The following COMMD10 variants were observed in gnomAD, a reference collection of about 807,000 sequenced individuals.
COMMD10 encodes COMM domain-containing protein 10.
COMMD10 carries 33 observed loss-of-function variants against 28.9 expected under a neutral mutation model. The observed-to-expected ratio is 1.14, with a 90% confidence interval of 0.87 to 1.53. The LOEUF (loss-of-function observed/expected upper bound fraction) is 1.53. Ranked by LOEUF, COMMD10 falls within the 40% of genes most tolerant of loss-of-function variation. The pLI is 0.00. For synonymous variants in COMMD10, 110 were observed against 81.7 expected, an observed-to-expected ratio of 1.35 and a Z score of -1.87; for missense variants, 310 against 233.4, an observed-to-expected ratio of 1.33 and a Z score of -2.14.
intron 5 of COMMD10, among the ~76,000 whole-genome samples, chr5:116,251,299 TTTA>T (rs1453983409): frequency 1.5e-5 from 2 of 131,898 alleles, no homozygotes. Context: ...TATTTATTTA[TTTA>T]TTATTATACT....
At chr5:116,255,027 G>A (rs1417247002) in intron 5 of COMMD10, among the ~76,000 whole-genome samples, 1 of 151,586 alleles carries the variant, frequency 6.6e-6, no homozygotes, top group African/African-American at 2.4e-5. Context: ...TCTTCTTGTT[G>A]AATTGATCCC....
At chr5:116,147,604 T>G (rs1016881922) in intron 5 of COMMD10, among the ~76,000 whole-genome samples, 1 of 151,848 alleles carries the variant, frequency 6.6e-6, no homozygotes, top group African/African-American at 2.4e-5. Flanking sequence ...TTGTGATTGT[T>G]GCGGCTGGTT....
intron 5 of COMMD10, among the ~76,000 whole-genome samples, chr5:116,245,530 A>G (rs551672112): frequency 6.6e-6 from 1 of 152,278 alleles, no homozygotes; most frequent in East Asian, 1.9e-4. Context: ...TGGCAGAGAT[A>G]AAACAAAAAA....
chr5:116,087,278 T>G (rs1290768992), intron 1 of COMMD10, among the ~76,000 whole-genome samples: 1 of 152,216 alleles, frequency 6.6e-6, no homozygotes, highest in Admixed American at 6.5e-5. Context: ...AGAGAAAATT[T>G]GCCAAATGGA....
intron 5 of COMMD10, among the ~76,000 whole-genome samples, chr5:116,220,037 A>T (rs1168517843): frequency 2.0e-5 from 3 of 151,334 alleles, no homozygotes; most frequent in African/African-American, 7.3e-5. Context: ...TTGGATACAT[A>T]GTCGGAGCCC....
intron 5 of COMMD10, among the ~76,000 whole-genome samples, chr5:116,219,521 G>T (rs536584657): frequency 6.6e-6 from 1 of 152,216 alleles, no homozygotes; most frequent in South Asian, 2.1e-4. Context: ...AGAGAAGGTG[G>T]TACGATCACT....
intron 5 of COMMD10, among the ~76,000 whole-genome samples, chr5:116,142,105 A>C (rs1023500625): frequency 2.0e-5 from 3 of 151,790 alleles, no homozygotes; most frequent in African/African-American, 7.2e-5. Flanking sequence ...CATTTGTTTT[A>C]TTTTATTTAG....
At chr5:116,170,050 T>G (rs1158691587) in intron 5 of COMMD10, among the ~76,000 whole-genome samples, 1 of 152,122 alleles carries the variant, frequency 6.6e-6, no homozygotes, top group African/African-American at 2.4e-5. Context: ...AGTAAAATTG[T>G]CTCTTTTTGC....
chr5:116,170,026 A>C (rs1310893706), intron 5 of COMMD10, among the ~76,000 whole-genome samples: 1 of 152,098 alleles, frequency 6.6e-6, no homozygotes, highest in Non-Finnish European at 1.5e-5. Flanking sequence ...GGGTATTCAA[A>C]TAGGAAGAGA....
chr5:116,207,941 A>G (rs995832824), intron 5 of COMMD10, among the ~76,000 whole-genome samples: 94 of 152,296 alleles, frequency 6.2e-4, no homozygotes, highest in Non-Finnish European at 5.6e-4. Context: ...TCTGGGAATA[A>G]GAGACCTTCA....
At chr5:116,208,006 G>C (rs911505774) in intron 5 of COMMD10, among the ~76,000 whole-genome samples, 2 of 152,116 alleles carry the variant, frequency 1.3e-5, no homozygotes, top group African/African-American at 4.8e-5. Flanking sequence ...AAGAACATGG[G>C]CTCCTGAATT....
intron 3 of COMMD10, 79 bp downstream of exon 3, chr5:116,091,268 G>A: frequency 1.6e-6 from 1 of 622,646 alleles, no homozygotes; most frequent in Non-Finnish European, 2.6e-6. Flanking sequence ...ATGACATTCT[G>A]TTTTTTTTAA....
At position 116,200,529 on chromosome 5, in the gene COMMD10, TTTC is replaced by T. The variant is rs1180337208; in HGVS notation, c.510+66359_510+66361del. Among the ~76,000 whole-genome samples the T allele has an allele frequency of 7.2e-5, 11 of 152,210 alleles. No individual in the cohort carries two copies. In the South Asian group the frequency reaches 2.1e-3, roughly 29 times the overall value. ...TACATTTTTTTCCTGTTCTTTTCTC[TTTC>T]TTCTTCTACAATTTTTATCACACAT... On this transcript the variant is annotated intron_variant, in intron 5 of 6. Coordinates refer to ENST00000274458, the MANE Select transcript of COMMD10 (RefSeq NM_016144.4).
chr5:116,206,445 G>A (rs927370545), intron 5 of COMMD10, among the ~76,000 whole-genome samples: 20 of 152,290 alleles, frequency 1.3e-4, no homozygotes, highest in Non-Finnish European at 4.4e-5. Flanking sequence ...GAGGTCAGGA[G>A]TTCAAGACCA....
In COMMD10 at chr5:116,199,569, C is replaced by A. The variant is rs1052811845; in HGVS notation, c.510+65391C>A. Among the ~76,000 whole-genome samples, 3 of 150,032 alleles carry A rather than the reference C, an allele frequency of 2.0e-5. No homozygotes were observed. In the East Asian group the frequency reaches 5.9e-4, roughly 29 times the overall value. ...TAGTAATGATTTGGATCTGTTAGAT[C>A]AATTAAGAATGAAACAAAGTTATTT... On this transcript the variant is annotated intron_variant, in intron 5 of 6. Coordinates refer to ENST00000274458, the MANE Select transcript of COMMD10 (RefSeq NM_016144.4).
At chr5:116,163,423 T>TAAAAAAAAAAA (rs58449487) in intron 5 of COMMD10, among the ~76,000 whole-genome samples, 1 of 92,524 alleles carries the variant, frequency 1.1e-5, no homozygotes, top group African/African-American at 5.3e-5. Flanking sequence ...CACCTCTACT[T>TAAAAAAAAAAA]AAAAAAAAAA....
At chr5:116,099,625 A>G (rs1012509532) in intron 4 of COMMD10, among the ~76,000 whole-genome samples, 1 of 151,936 alleles carries the variant, frequency 6.6e-6, no homozygotes, top group African/African-American at 2.4e-5. Context: ...TGTCTTTTTG[A>G]TAATAGGTAT....
chr5:116,155,426 T>G (rs1266042903), intron 5 of COMMD10, among the ~76,000 whole-genome samples: 1 of 152,128 alleles, frequency 6.6e-6, no homozygotes, highest in Non-Finnish European at 1.5e-5. Context: ...CCTGTCTGTT[T>G]CCATTTTCTA....
chr5:116,166,109 T>C (rs181953779), intron 5 of COMMD10, among the ~76,000 whole-genome samples: 92 of 151,894 alleles, frequency 6.1e-4, no homozygotes, highest in Non-Finnish European at 8.4e-4. Flanking sequence ...TAAATATTTC[T>C]ATAGTTTTAG....
Sources: gnomAD v4.1 joint callset for allele counts (sites outside exome capture counted in the v4.1 genomes callset) on GRCh38, gnomAD v4.1.1 for gene constraint, MANE v1.5 for transcripts, NCBI Gene and HGNC (gene_info 2026-07-23, HGNC 2026-07-21) for gene names.